The following NAV2 variants were observed in gnomAD, a reference collection of about 807,000 sequenced individuals.
NAV2 encodes the protein helicase, APC down-regulated 1.
A neutral mutation model predicts 223.2 loss-of-function variants in NAV2; 54 were observed. That is an observed-to-expected ratio of 0.24 (90% CI 0.19 to 0.30). NAV2 has a LOEUF of 0.30. Among genes scored for constraint, NAV2 ranks in the 10% least tolerant of loss-of-function variants. The probability of loss-of-function intolerance (pLI) is 1.00; values close to 1 mark genes in which losing one functional copy is unlikely to be tolerated. For missense variants in NAV2, 2,806 were observed against 3,147.5 expected (o/e 0.89, Z 2.60); for synonymous variants, 1,279 against 1,239.3 (o/e 1.03, Z -0.67).
At chr11:19,868,820 A>T in intron 3 of NAV2, 105 bp from the exon 4 acceptor site, 2 of 1,049,860 alleles carry the variant, frequency 1.9e-6, no homozygotes, top group South Asian at 1.4e-5. Context: ...GCGTTCGTTC[A>T]TCGGCCGTTT....
intron 1 of NAV2, among the ~76,000 whole-genome samples, chr11:19,828,163 AT>A (rs929981833): frequency 1.3e-5 from 2 of 152,140 alleles, no homozygotes; most frequent in South Asian, 4.1e-4. Flanking sequence ...CTTAAAAACA[AT>A]TTTTTAAGGG....
At chr11:20,061,211 A>C (rs1374150101) in intron 19 of NAV2, among the ~76,000 whole-genome samples, 1 of 152,214 alleles carries the variant, frequency 6.6e-6, no homozygotes, top group South Asian at 2.1e-4. Flanking sequence ...CCTTCTTCCC[A>C]CAGAAGAAGG....
intron 10 of NAV2, among the ~76,000 whole-genome samples, chr11:19,975,400 T>G (rs571702748): frequency 6.9e-4 from 105 of 152,374 alleles, no homozygotes; most frequent in South Asian, 1.2e-3. Context: ...GGAGTATGTA[T>G]TTTATTAGGG....
chr11:19,718,528 C>A (rs1163943230), intron 1 of NAV2, among the ~76,000 whole-genome samples: 3 of 132,202 alleles, frequency 2.3e-5, no homozygotes, highest in Non-Finnish European at 5.3e-5. Flanking sequence ...AGCTTACAAC[C>A]TGTGGCAACT....
At chr11:19,398,948 T>C (rs994418637) in intron 1 of NAV2, among the ~76,000 whole-genome samples, 4 of 152,240 alleles carry the variant, frequency 2.6e-5, no homozygotes, top group African/African-American at 7.2e-5. Context: ...TCAGAGCACA[T>C]TGATTTTTCC....
At chr11:19,629,479 GCA>G (rs1272691108) in intron 1 of NAV2, among the ~76,000 whole-genome samples, 2 of 151,102 alleles carry the variant, frequency 1.3e-5, no homozygotes, top group Admixed American at 6.6e-5. Flanking sequence ...ACGCACTTGC[GCA>G]CACACACACA....
At chr11:19,763,735 A>G (rs1252873718) in intron 1 of NAV2, among the ~76,000 whole-genome samples, 3 of 152,174 alleles carry the variant, frequency 2.0e-5, no homozygotes, top group Non-Finnish European at 4.4e-5. Flanking sequence ...TTCACAGACT[A>G]TGGGAAATAT....
intron 12 of NAV2, among the ~76,000 whole-genome samples, 178 bp downstream of exon 12, chr11:20,036,275 G>T (rs955477260): frequency 2.6e-5 from 4 of 152,214 alleles, no homozygotes; most frequent in African/African-American, 9.7e-5. Context: ...CACAAGGGAG[G>T]GGTCAGGCAG....
intron 12 of NAV2, 152 bp from the exon 13 acceptor site, chr11:20,043,829 A>G: frequency 1.6e-6 from 1 of 632,548 alleles, no homozygotes; most frequent in Non-Finnish European, 2.7e-6. Context: ...TCTTTCTAAC[A>G]AGATAACCAG....
At chr11:19,638,054 C>T (rs143003063) in intron 1 of NAV2, among the ~76,000 whole-genome samples, 4 of 152,280 alleles carry the variant, frequency 2.6e-5, no homozygotes, top group East Asian at 1.9e-4. Context: ...TATATTGATA[C>T]GTCACTTGTA....
intron 1 of NAV2, among the ~76,000 whole-genome samples, chr11:19,590,064 G>A (rs779239012): frequency 1.7e-4 from 26 of 152,154 alleles, no homozygotes; most frequent in Non-Finnish European, 2.6e-4. Flanking sequence ...AGGCTTCCTC[G>A]CTTGTGATCT....
intron 11 of NAV2, among the ~76,000 whole-genome samples, chr11:20,007,696 T>G (rs1308466490): frequency 6.6e-6 from 1 of 152,174 alleles, no homozygotes; most frequent in Non-Finnish European, 1.5e-5. Flanking sequence ...TAAGTCAGAC[T>G]AATTATTTTT....
chr11:19,879,391 G>A (rs753341464), intron 4 of NAV2, among the ~76,000 whole-genome samples: 6 of 152,136 alleles, frequency 3.9e-5, no homozygotes, highest in Non-Finnish European at 7.3e-5. Context: ...ACAGAGCCAC[G>A]TATTTGAGAG....
intron 3 of NAV2, among the ~76,000 whole-genome samples, chr11:19,867,547 G>T (rs2062173917): frequency 6.6e-6 from 1 of 152,202 alleles, no homozygotes; most frequent in African/African-American, 2.4e-5. Flanking sequence ...ATGATGAAAG[G>T]CATAACGCAT....
intron 32 of NAV2, among the ~76,000 whole-genome samples, chr11:20,102,462 T>C (rs1006115832): frequency 5.9e-5 from 9 of 152,246 alleles, no homozygotes; most frequent in Non-Finnish European, 1.2e-4. Context: ...AGGCACCTTA[T>C]CATACCATGC....
chr11:19,543,767 C>A (rs1315570304), intron 1 of NAV2, among the ~76,000 whole-genome samples: 1 of 152,224 alleles, frequency 6.6e-6, no homozygotes, highest in East Asian at 1.9e-4. Flanking sequence ...CTTGTCCTCT[C>A]TTGTCTCACT....
intron 1 of NAV2, among the ~76,000 whole-genome samples, chr11:19,516,605 C>T (rs1331552780): frequency 6.6e-6 from 1 of 152,184 alleles, no homozygotes; most frequent in African/African-American, 2.4e-5. Flanking sequence ...GGGACAGGAG[C>T]ATGAGGGTTC....
chr11:19,746,321 G>A (rs1247518294), intron 1 of NAV2, among the ~76,000 whole-genome samples: 1 of 152,156 alleles, frequency 6.6e-6, no homozygotes, highest in Non-Finnish European at 1.5e-5. Context: ...GCTAATTGCA[G>A]CCGTGGTTCC....
At chr11:19,793,920 G>T (rs979449893) in intron 1 of NAV2, among the ~76,000 whole-genome samples, 1 of 152,142 alleles carries the variant, frequency 6.6e-6, no homozygotes, top group South Asian at 2.1e-4. Flanking sequence ...TTTTATCCTC[G>T]GAGAGGCCGC....
Sources: allele counts gnomAD v4.1 joint callset (sites outside exome capture counted in the v4.1 genomes callset), GRCh38; gene constraint gnomAD v4.1.1; transcripts MANE v1.5; gene names NCBI Gene and HGNC (gene_info 2026-07-23, HGNC 2026-07-21).